The following KCNH8 variants were observed in gnomAD, a reference collection of about 807,000 sequenced individuals.
KCNH8 encodes voltage-gated delayed rectifier potassium channel KCNH8.
KCNH8 carries 70 observed loss-of-function variants against 103.6 expected under a neutral mutation model. The observed-to-expected ratio is 0.68, with a 90% CI of 0.56 to 0.82. The LOEUF is 0.82. Ranked by LOEUF, KCNH8 falls within the 40% of genes least tolerant of loss-of-function variation. KCNH8 has a pLI of 0.00. For missense variants in KCNH8, 1,217 were observed against 1,329.9 expected (o/e 0.92, Z 1.32); for synonymous variants, 498 against 489.4 (o/e 1.02, Z -0.23).
intron 8 of KCNH8, among the ~76,000 whole-genome samples, chr3:19,439,829 T>G (rs2067254683): frequency 6.6e-6 from 1 of 150,814 alleles, no homozygotes; most frequent in African/African-American, 2.4e-5. Flanking sequence ...AAGATAAAAT[T>G]GAAGAGAAAA....
At chr3:19,523,795 A>G (rs2069014330) in intron 15 of KCNH8, among the ~76,000 whole-genome samples, 1 of 151,964 alleles carries the variant, frequency 6.6e-6, no homozygotes, top group Non-Finnish European at 1.5e-5. Context: ...AAAAGCTATT[A>G]GGAAAATTTT....
Position 19,513,251 on chromosome 3 carries a change from T to A in KCNH8, c.2361T>A (p.Asn787Lys), listed in dbSNP as rs1266315927. 2 of 1,613,342 alleles carry A rather than the reference T, an allele frequency of 1.2e-6. No individual in the cohort carries two copies. The highest frequency in any genetic ancestry group is 2.2e-5 in the East Asian group (1 of 44,874). ...TKQEIDPPNH[N>K]KRKEKNLKLQ... ...AGGAAATTGACCCCCCCAACCATAA[T>A]AAAAGGAAAGAGAAGAACTTGAAAT... The change falls in exon 13 of 16, where the codon AAT (asparagine) becomes AAA (lysine). Residue 787 changes from asparagine to lysine, a missense_variant. Coordinates refer to ENST00000328405, the MANE Select transcript of KCNH8 (RefSeq NM_144633.3).
rs535681626 is a variant in KCNH8 at position 19,233,926 on chromosome 3, G to A, written c.77-19728G>A. ...CAGGAGTGAAGCTGCAGACCTTCGC[G>A]GTGAGTGTTAAAGCTCATAAAGGCA... On this transcript the variant is annotated intron_variant, in intron 1 of 15. Transcript: ENST00000328405. Among the ~76,000 whole-genome samples, 120 of 152,266 alleles carry A rather than the reference G, an allele frequency of 7.9e-4. 1 individual carries two copies. The highest frequency in any genetic ancestry group is 2.7e-3 in the African/African-American group (112 of 41,546).
At chr3:19,181,589 A>G (rs2063453763) in intron 1 of KCNH8, among the ~76,000 whole-genome samples, 1 of 152,220 alleles carries the variant, frequency 6.6e-6, no homozygotes, top group Non-Finnish European at 1.5e-5. Flanking sequence ...AGCCAATATA[A>G]TAACTATATG....
rs570751983 is a variant in KCNH8, at chr3:19,349,738, T to A, written c.811+1773T>A. Among the ~76,000 whole-genome samples the A allele has an allele frequency of 4.6e-5, 7 of 152,154 alleles. No individual in the cohort carries two copies. In the East Asian group the frequency reaches 1.4e-3, roughly 29 times the overall value. On this transcript the variant is annotated intron_variant, in intron 5 of 15. Coordinates refer to ENST00000328405, the MANE Select transcript of KCNH8 (RefSeq NM_144633.3). ...ACGGAGATATTTTAAAAGTTTTTGT[T>A]TATTTGTTTTAAGGCTGCTTTTCTC...
chr3:19,198,857 A>G (rs2125215801), intron 1 of KCNH8, among the ~76,000 whole-genome samples: 1 of 152,196 alleles, frequency 6.6e-6, no homozygotes, highest in Admixed American at 6.6e-5. Context: ...CACTAAGAAC[A>G]GGATTTGCAG....
chr3:19,193,889 G>A (rs2063576464), intron 1 of KCNH8, among the ~76,000 whole-genome samples: 1 of 151,720 alleles, frequency 6.6e-6, no homozygotes, highest in African/African-American at 2.4e-5. Context: ...GAGACAGTAG[G>A]TGTGAATGTT....
chr3:19,378,745 A>G (rs1310123793), intron 5 of KCNH8, among the ~76,000 whole-genome samples: 2 of 152,196 alleles, frequency 1.3e-5, no homozygotes, highest in African/African-American at 4.8e-5. Flanking sequence ...TGTTATGATG[A>G]TATACTTTAT....
chr3:19,222,871 C>T (rs2063890875), intron 1 of KCNH8, among the ~76,000 whole-genome samples: 1 of 152,142 alleles, frequency 6.6e-6, no homozygotes, highest in Admixed American at 6.6e-5. Context: ...ATTTGCATTT[C>T]CTGTCCTTAG....
intron 1 of KCNH8, among the ~76,000 whole-genome samples, chr3:19,235,153 T>G (rs2064047568): frequency 6.6e-6 from 1 of 152,198 alleles, no homozygotes; most frequent in Admixed American, 6.5e-5. Flanking sequence ...TTGGTTTTAT[T>G]ATACCTTGCT....
intron 2 of KCNH8, among the ~76,000 whole-genome samples, chr3:19,271,048 A>G (rs375404204): frequency 3.9e-5 from 6 of 152,310 alleles, no homozygotes; most frequent in Admixed American, 3.9e-4. Context: ...AAAAAATAAT[A>G]GCAATATATA....
chr3:19,518,133 A>G, intron 15 of KCNH8, 59 bp downstream of exon 15: 1 of 1,351,714 alleles, frequency 7.4e-7, no homozygotes, highest in Non-Finnish European at 1.1e-6. Flanking sequence ...AATCCTAGTT[A>G]CTCGCAGAAG....
At chr3:19,237,345 C>T (rs1006312948) in intron 1 of KCNH8, among the ~76,000 whole-genome samples, 4 of 152,280 alleles carry the variant, frequency 2.6e-5, no homozygotes, top group South Asian at 2.1e-4. Context: ...GCTTGGTGAA[C>T]GAATGCAGGC....
At chr3:19,175,430 C>T (rs180690159) in intron 1 of KCNH8, among the ~76,000 whole-genome samples, 5,236 of 152,104 alleles carry the variant, frequency 0.034, 113 homozygotes, top group Middle Eastern at 0.065. Context: ...ACCGTGGTCT[C>T]GATCTCCTGA....
chr3:19,348,478 G>T (rs941793823), intron 5 of KCNH8, among the ~76,000 whole-genome samples: 3 of 152,094 alleles, frequency 2.0e-5, no homozygotes, highest in African/African-American at 7.2e-5. Context: ...TTTAATTAAA[G>T]AAAAGGCCCC....
intron 4 of KCNH8, 82 bp downstream of exon 4, chr3:19,342,796 AC>A: frequency 1.5e-6 from 2 of 1,349,950 alleles, no homozygotes; most frequent in Admixed American, 2.2e-5. Context: ...GGCCTCAATT[AC>A]CCATTTATTG....
At chr3:19,346,184 T>G (rs1176391236) in intron 4 of KCNH8, among the ~76,000 whole-genome samples, 2 of 152,070 alleles carry the variant, frequency 1.3e-5, no homozygotes, top group Non-Finnish European at 2.9e-5. Context: ...CTTGAAGTGT[T>G]TATCAGTGGT....
At chr3:19,505,712 G>A (rs2068678329) in intron 11 of KCNH8, among the ~76,000 whole-genome samples, 1 of 152,148 alleles carries the variant, frequency 6.6e-6, no homozygotes, top group Non-Finnish European at 1.5e-5. Flanking sequence ...GGCCTGTCTA[G>A]AGAGGATGGG....
intron 1 of KCNH8, among the ~76,000 whole-genome samples, chr3:19,238,886 G>A (rs1462218634): frequency 6.6e-6 from 1 of 152,144 alleles, no homozygotes; most frequent in Non-Finnish European, 1.5e-5. Context: ...AATTCCAGAG[G>A]ATGTTCCAAA....
Sources: gnomAD v4.1 joint callset for allele counts (sites outside exome capture counted in the v4.1 genomes callset) on GRCh38, gnomAD v4.1.1 for gene constraint, MANE v1.5 for transcripts, NCBI Gene and HGNC (gene_info 2026-07-23, HGNC 2026-07-21) for gene names.